GUCY2C: variants seen among roughly 807,000 people sequenced by gnomAD.
GUCY2C encodes the protein guanylyl cyclase C.
A neutral mutation model predicts 131.1 loss-of-function variants in GUCY2C; 118 were observed. The observed-to-expected ratio is 0.90, with a 90% CI of 0.78 to 1.05. GUCY2C has a LOEUF of 1.05. Ranked by LOEUF, GUCY2C falls within the 50% of genes least tolerant of loss-of-function variation. The pLI, the probability that GUCY2C is intolerant of heterozygous loss-of-function variation, is 0.00. For missense variants in GUCY2C, 1,161 were observed against 1,304.4 expected (o/e 0.89, Z 1.69); for synonymous variants, 452 against 457.8 (o/e 0.99, Z 0.16).
intron 20 of GUCY2C, among the ~76,000 whole-genome samples, chr12:14,627,995 T>C (rs568572676): frequency 6.6e-6 from 1 of 152,326 alleles, no homozygotes; most frequent in Middle Eastern, 3.4e-3. Context: ...CCAATTTTTC[T>C]AACAAGAAAA....
chr12:14,651,646 C>T, intron 14 of GUCY2C, 135 bp from the exon 15 acceptor site: 1 of 620,864 alleles, frequency 1.6e-6, no homozygotes, highest in Non-Finnish European at 2.9e-6. Context: ...AATGTCAGTA[C>T]CCATTGCTTA....
At chr12:14,677,960 T>A (rs1948274499) in intron 6 of GUCY2C, among the ~76,000 whole-genome samples, 1 of 152,178 alleles carries the variant, frequency 6.6e-6, no homozygotes, top group South Asian at 2.1e-4. Context: ...GCAATTAGGC[T>A]GACCATTATT....
chr12:14,660,176 G>T (rs936453455), intron 11 of GUCY2C, among the ~76,000 whole-genome samples: 2 of 152,226 alleles, frequency 1.3e-5, no homozygotes, highest in African/African-American at 4.8e-5. Context: ...AGACCAAAGT[G>T]TGTAATACAC....
chr12:14,688,622 C>T (rs188730176), intron 1 of GUCY2C, among the ~76,000 whole-genome samples: 1 of 152,348 alleles, frequency 6.6e-6, no homozygotes, highest in Admixed American at 6.5e-5. Flanking sequence ...TAAGTTCCTG[C>T]TATGTGCCAG....
intron 12 of GUCY2C, 25 bp downstream of exon 12, chr12:14,656,487 C>T: frequency 8.5e-7 from 1 of 1,176,382 alleles, no homozygotes. Context: ...TGAACCCATT[C>T]TTCAACAGGT....
In GUCY2C at chr12:14,652,729, C is replaced by T. The variant is rs550927365; in HGVS notation, c.1533+223G>A. Among the ~76,000 whole-genome samples, 145 of 152,244 alleles carry T rather than the reference C, an allele frequency of 9.5e-4. 2 individuals are homozygous for T. The highest frequency in any genetic ancestry group is 3.4e-3 in the African/African-American group (140 of 41,522). ...TTTAATTTTTCTTCCTACACTCCACCCTTCCCCAACATTCTATTTGTCTTC... is the reference window on the plus strand; with the variant it reads ...TTTAATTTTTCTTCCTACACTCCACTCTTCCCCAACATTCTATTTGTCTTC... On this transcript the variant is annotated intron_variant, in intron 13 of 26. Coordinates refer to ENST00000261170, the MANE Select transcript of GUCY2C (RefSeq NM_004963.4).
At chr12:14,673,543 G>A (rs1275421765) in intron 8 of GUCY2C, among the ~76,000 whole-genome samples, 2 of 152,164 alleles carry the variant, frequency 1.3e-5, no homozygotes, top group South Asian at 2.1e-4. Flanking sequence ...TCTGTGCTAA[G>A]TGATTTATAT....
Position 14,635,210 on chromosome 12 carries a change from C to T in GUCY2C, c.2157+4652G>A, listed in dbSNP as rs373205972. Among the ~76,000 whole-genome samples, 16 of 152,190 alleles carry T rather than the reference C, an allele frequency of 1.1e-4. 1 individual carries two copies. The highest frequency in any genetic ancestry group is 6.2e-4 in the South Asian group (3 of 4,826). ...ATTCTCCAGGATAGACCATATGTTA[C>T]GACACAAAACCAGTCTCAACATATT... On this transcript the variant is annotated intron_variant, in intron 19 of 26. Coordinates refer to ENST00000261170, the MANE Select transcript of GUCY2C (RefSeq NM_004963.4).
intron 1 of GUCY2C, among the ~76,000 whole-genome samples, chr12:14,689,755 T>C (rs1348978913): frequency 1.3e-5 from 2 of 152,162 alleles, no homozygotes; most frequent in African/African-American, 4.8e-5. Context: ...AAATCCAAAA[T>C]TTATCAATGG....
chr12:14,614,269 T>G (rs148283786), intron 26 of GUCY2C, among the ~76,000 whole-genome samples: 11 of 152,290 alleles, frequency 7.2e-5, no homozygotes, highest in African/African-American at 2.6e-4. Flanking sequence ...TGGTACAGTC[T>G]AAGAAAGTGG....
intron 10 of GUCY2C, among the ~76,000 whole-genome samples, chr12:14,664,924 TA>T (rs2137059378): frequency 6.6e-6 from 1 of 152,276 alleles, no homozygotes; most frequent in South Asian, 2.1e-4. Flanking sequence ...TGAATAAGAA[TA>T]AGCCCTGAGG....
At chr12:14,690,940 C>T (rs771418993) in intron 1 of GUCY2C, among the ~76,000 whole-genome samples, 22 of 152,156 alleles carry the variant, frequency 1.4e-4, no homozygotes, top group Non-Finnish European at 2.2e-4. Flanking sequence ...TTGTACAAGC[C>T]ATTTTAATTT....
chr12:14,640,980 G>T, intron 18 of GUCY2C, 102 bp downstream of exon 18: 2 of 994,420 alleles, frequency 2.0e-6, no homozygotes, highest in Non-Finnish European at 3.1e-6. Context: ...TTTTGCATTT[G>T]AAGGAATTGT....
intron 19 of GUCY2C, among the ~76,000 whole-genome samples, chr12:14,639,049 C>T (rs748528853): frequency 7.2e-5 from 11 of 152,078 alleles, no homozygotes; most frequent in Non-Finnish European, 1.3e-4. Context: ...GTAATCCCAG[C>T]GCTTTGGGAG....
chr12:14,616,785 C>T lies in GUCY2C; in HGVS notation c.2876-58G>A, dbSNP rs537756761. 8.4e-4 allele frequency: 794 copies of T among 944,718 alleles called. 8 individuals are homozygous for T. In the South Asian group the frequency reaches 9.4e-3, roughly 11 times the overall value. 58.5% of individuals were successfully genotyped at this position (944,718 alleles called of 1,614,324 possible). A position where few individuals can be genotyped will look rare whatever the true frequency, so the allele number is the denominator to read the frequency against. ...GCTAGTACACAGCCTATTTGTTTCC[C>T]GTTGATTCAGGATATCAACAACACC... On this transcript the variant is annotated intron_variant, in intron 24 of 26. Coordinates refer to ENST00000261170, the MANE Select transcript of GUCY2C (RefSeq NM_004963.4).
rs1450808352 is a variant in GUCY2C at position 14,676,876 on chromosome 12, G to T, written c.926C>A (p.Ser309Tyr). The change falls in exon 7 of 27, where the codon TCT (serine) becomes TAT (tyrosine). Residue 309 changes from serine (S) to tyrosine (Y), a missense_variant. Coordinates refer to ENST00000261170, the MANE Select transcript of GUCY2C (RefSeq NM_004963.4). ...TACTGGTGATAGATTCCTGGAGAAA[G>T]AGCTATTTAGAAGGGAATTCCCAGG... ...LSPGNSLLNSSFSRNLSPTKR... is the reference protein window; with the variant it reads ...LSPGNSLLNSYFSRNLSPTKR... 3 of 1,449,024 alleles carry T rather than the reference G, an allele frequency of 2.1e-6. No individual in the cohort carries two copies. Among genetic ancestry groups the T allele is most frequent in the Non-Finnish European group, 1.9e-6 (2 of 1,051,958 alleles). The allele number at this position is 1,449,024 out of a possible 1,614,324, so 89.8% of individuals were successfully genotyped here. A position where few individuals can be genotyped will look rare whatever the true frequency, so the allele number is the denominator to read the frequency against.
chr12:14,674,895 T>G, intron 7 of GUCY2C, 135 bp from the exon 8 acceptor site: 1 of 674,804 alleles, frequency 1.5e-6, no homozygotes, highest in South Asian at 1.9e-5. Flanking sequence ...AGGGATGTTA[T>G]TAAAGGAGAC....
intron 19 of GUCY2C, 39 bp from the exon 20 acceptor site, chr12:14,628,776 A>G: frequency 1.1e-6 from 1 of 946,090 alleles, no homozygotes; most frequent in Non-Finnish European, 1.7e-6. Context: ...CTAAGGGGAT[A>G]GTAAACTAAA....
chr12:14,677,121 A>C (rs1948251053), intron 6 of GUCY2C, 150 bp from the exon 7 acceptor site: 2 of 329,254 alleles, frequency 6.1e-6, no homozygotes, highest in Admixed American at 4.7e-5. Context: ...CCCCAGATAG[A>C]ATTGTTTTCT....
Sources: gnomAD v4.1 joint callset for allele counts (sites outside exome capture counted in the v4.1 genomes callset) on GRCh38, gnomAD v4.1.1 for gene constraint, MANE v1.5 for transcripts, NCBI Gene and HGNC (gene_info 2026-07-23, HGNC 2026-07-21) for gene names.